Variants in RASGRF2 observed in about 807,000 individuals in gnomAD.
RASGRF2 encodes the protein Ras protein specific guanine nucleotide releasing factor 2.
A neutral mutation model predicts 151.0 loss-of-function variants in RASGRF2; 76 were observed. That is an observed-to-expected ratio of 0.50 (90% CI 0.42 to 0.61). The LOEUF is 0.61. Ranked by LOEUF, RASGRF2 falls within the 20% of genes least tolerant of loss-of-function variation. The probability of loss-of-function intolerance (pLI) is 0.00; values close to 1 mark genes in which losing one functional copy is unlikely to be tolerated. For missense variants in RASGRF2, 1,148 were observed against 1,564.6 expected (o/e 0.73, Z 4.49); for synonymous variants, 504 against 566.5 (o/e 0.89, Z 1.57).
chr5:80,986,231 C>T (rs940702968), intron 1 of RASGRF2, among the ~76,000 whole-genome samples: 1 of 152,164 alleles, frequency 6.6e-6, no homozygotes, highest in African/African-American at 2.4e-5. Context: ...GCAATATGCA[C>T]ATCATTTAAA....
chr5:81,119,423 T>C (rs913845909), intron 15 of RASGRF2, among the ~76,000 whole-genome samples: 3 of 152,250 alleles, frequency 2.0e-5, no homozygotes, highest in African/African-American at 7.2e-5. Flanking sequence ...CATTCATTCA[T>C]TCATGAGTGC....
chr5:81,152,634 A>C (rs1754163888), intron 17 of RASGRF2, among the ~76,000 whole-genome samples: 1 of 152,236 alleles, frequency 6.6e-6, no homozygotes, highest in East Asian at 1.9e-4. Flanking sequence ...TGGTAGAGTG[A>C]GGAGCTCAGC....
At chr5:81,028,571 A>G (rs1051317643) in intron 1 of RASGRF2, among the ~76,000 whole-genome samples, 7 of 152,212 alleles carry the variant, frequency 4.6e-5, no homozygotes, top group Non-Finnish European at 1.5e-5. Flanking sequence ...AGGACAAGAA[A>G]TTATAAAACA....
At chr5:81,031,690 G>T (rs1750255180) in intron 1 of RASGRF2, among the ~76,000 whole-genome samples, 1 of 152,156 alleles carries the variant, frequency 6.6e-6, no homozygotes, top group Admixed American at 6.6e-5. Context: ...GCCCACAAGA[G>T]AAAGCAGGAA....
Position 81,123,780 on chromosome 5 carries a change from G to A in RASGRF2, c.2596+13G>A. ...CGACAGCCTGGAGGTAAGAGCTCAA[G>A]AGGGACTCAGAAATAGAAACGTGAA... is the stretch of plus-strand genomic sequence containing the variant. On this transcript the variant is annotated intron_variant, in intron 16 of 26. Coordinates refer to ENST00000265080, the MANE Select transcript of RASGRF2 (RefSeq NM_006909.3). 1 of 1,606,098 alleles carries A rather than the reference G, an allele frequency of 6.2e-7. No individual in the cohort carries two copies. Among genetic ancestry groups the A allele is most frequent in the East Asian group, 2.2e-5 (1 of 44,818 alleles).
In RASGRF2 at chr5:80,960,874, C is replaced by G; in HGVS notation, c.136C>G (p.Leu46Val). 1 of 1,613,482 alleles carries G rather than the reference C, an allele frequency of 6.2e-7. No homozygotes were observed. Among genetic ancestry groups the G allele is most frequent in the Non-Finnish European group, 8.5e-7 (1 of 1,179,626 alleles). Residue 46 changes from leucine to valine, a missense_variant, in exon 1 of 27, where the codon CTC (leucine) becomes GTC (valine). By Grantham distance (32) the Leu-to-Val change is conservative. Coordinates refer to ENST00000265080, the MANE Select transcript of RASGRF2 (RefSeq NM_006909.3). This position sits in a 1 kb window ranked among gnomAD's most constrained non-coding sequence, Gnocchi z 5.5. The stretch of plus-strand genomic sequence containing the variant: ...CCGCTGGCACGAGAAGTGGTTCGCC[C>G]TCTACCAGAATGTGCTCTTCTACTT... ...ASRWHEKWFALYQNVLFYFEG... is the reference protein window; with the variant it reads ...ASRWHEKWFAVYQNVLFYFEG...
intron 1 of RASGRF2, among the ~76,000 whole-genome samples, chr5:80,963,872 TA>T (rs1747640931): frequency 1.3e-5 from 2 of 152,202 alleles, no homozygotes; most frequent in African/African-American, 4.8e-5. Flanking sequence ...AAAGTCCACA[TA>T]TCCTTCAATG....
At chr5:81,144,108 A>C (rs989961102) in intron 17 of RASGRF2, among the ~76,000 whole-genome samples, 8 of 152,236 alleles carry the variant, frequency 5.3e-5, no homozygotes, top group African/African-American at 1.9e-4. Context: ...AGAAATAACC[A>C]ATGATAATGT....
chr5:81,060,988 C>G (rs187593736), intron 2 of RASGRF2, among the ~76,000 whole-genome samples: 51 of 152,094 alleles, frequency 3.4e-4, no homozygotes, highest in African/African-American at 1.2e-3. Flanking sequence ...TTAATTTTCT[C>G]CCTCTGTGTA....
intron 17 of RASGRF2, among the ~76,000 whole-genome samples, chr5:81,148,327 C>T (rs1218162689): frequency 2.6e-5 from 4 of 152,082 alleles, no homozygotes; most frequent in Admixed American, 6.6e-5. Context: ...AATTGGTATG[C>T]GGCTCTCACC....
At chr5:81,056,923 C>G (rs1751235034) in intron 2 of RASGRF2, among the ~76,000 whole-genome samples, 1 of 152,070 alleles carries the variant, frequency 6.6e-6, no homozygotes, top group South Asian at 2.1e-4. Context: ...GGTTTAAAGT[C>G]TGTTTTATCA....
chr5:80,983,752 C>T (rs540850925), intron 1 of RASGRF2, among the ~76,000 whole-genome samples: 2 of 152,178 alleles, frequency 1.3e-5, no homozygotes, highest in Non-Finnish European at 2.9e-5. Context: ...TGCTGGAATT[C>T]GAAGGCTTGG....
At chr5:80,971,492 C>T (rs555961041) in intron 1 of RASGRF2, among the ~76,000 whole-genome samples, 1 of 151,918 alleles carries the variant, frequency 6.6e-6, no homozygotes, top group South Asian at 2.1e-4. Context: ...CTCGACACCT[C>T]CTCAGGCTTA....
chr5:81,080,021 ATATATATTATG>A, intron 5 of RASGRF2, 89 bp from the exon 6 acceptor site: 1 of 1,415,866 alleles, frequency 7.1e-7, no homozygotes, highest in Non-Finnish European at 9.3e-7. Flanking sequence ...CCTATGGGAC[ATATATATTATG>A]TATATATTAA....
chr5:81,054,084 A>G (rs1404949548), intron 2 of RASGRF2, among the ~76,000 whole-genome samples: 1 of 151,984 alleles, frequency 6.6e-6, no homozygotes, highest in Admixed American at 6.6e-5. Flanking sequence ...TTGCCTGTTC[A>G]CTCTGATGGT....
At chr5:80,992,580 G>A (rs1748690318) in intron 1 of RASGRF2, among the ~76,000 whole-genome samples, 1 of 152,202 alleles carries the variant, frequency 6.6e-6, no homozygotes, top group Admixed American at 6.5e-5. Context: ...TCCAGGATAA[G>A]CCTCAGGGTA....
intron 18 of RASGRF2, among the ~76,000 whole-genome samples, chr5:81,191,061 C>T (rs776967022): frequency 2.6e-5 from 4 of 152,220 alleles, no homozygotes; most frequent in Non-Finnish European, 5.9e-5. Flanking sequence ...GAGACTGCGG[C>T]ATGCAACCCT....
At chr5:80,970,525 C>T (rs1204143573) in intron 1 of RASGRF2, among the ~76,000 whole-genome samples, 1 of 150,312 alleles carries the variant, frequency 6.7e-6, no homozygotes, top group Non-Finnish European at 1.5e-5. Context: ...TGCCTTCTCA[C>T]TGAGTCTTTC....
chr5:81,074,829 G>A (rs1434271307), intron 5 of RASGRF2, among the ~76,000 whole-genome samples: 1 of 152,206 alleles, frequency 6.6e-6, no homozygotes, highest in East Asian at 1.9e-4. Context: ...AGCAGAGGGA[G>A]CTGTGCGTGC....
Sources: allele counts gnomAD v4.1 joint callset (sites outside exome capture counted in the v4.1 genomes callset), GRCh38; gene constraint gnomAD v4.1.1; non-coding constraint Gnocchi (gnomAD v3.1); transcripts MANE v1.5; gene names NCBI Gene and HGNC (gene_info 2026-07-23, HGNC 2026-07-21).